Variants in CSMD1 observed in about 807,000 individuals in gnomAD.
CSMD1 encodes CUB and Sushi multiple domains 1, also known as CUB and sushi domain-containing protein 1.
In CSMD1, 213 loss-of-function variants were observed where a neutral mutation model predicts 417.5. The observed-to-expected ratio is 0.51, with a 90% CI of 0.46 to 0.57. CSMD1 has a LOEUF of 0.57. CSMD1 is among the 20% of genes least tolerant of loss of function. The pLI, the probability that CSMD1 is intolerant of heterozygous loss-of-function variation, is 0.00. For missense variants in CSMD1, 6,923 were observed against 4,529.7 expected (o/e 1.53, Z -15.17); for synonymous variants, 2,862 against 1,736.8 (o/e 1.65, Z -16.11).
chr8:3,998,248 T>C (rs1438003010), intron 4 of CSMD1, 138 bp from the exon 5 acceptor site: 4 of 680,486 alleles, frequency 5.9e-6, no homozygotes, highest in African/African-American at 3.6e-5. Flanking sequence ...TGAAAAAGAA[T>C]CTTTTGGTAT....
intron 2 of CSMD1, among the ~76,000 whole-genome samples, chr8:4,491,624 T>C (rs543910876): frequency 6.6e-4 from 100 of 152,124 alleles, no homozygotes; most frequent in Non-Finnish European, 1.1e-3. Flanking sequence ...GGAGAGTAAA[T>C]AAGCATATGA....
intron 10 of CSMD1, among the ~76,000 whole-genome samples, chr8:3,528,258 C>T (rs140998347): frequency 6.6e-6 from 1 of 152,218 alleles, no homozygotes; most frequent in African/African-American, 2.4e-5. Flanking sequence ...ATAGACACAT[C>T]TCAAATCACC....
chr8:4,536,615 T>C (rs1021320335), intron 2 of CSMD1, among the ~76,000 whole-genome samples: 2 of 152,220 alleles, frequency 1.3e-5, no homozygotes, highest in African/African-American at 4.8e-5. Flanking sequence ...CACAAGTGGA[T>C]ACTGAGAATA....
At chr8:4,958,639 T>C (rs1275754764) in intron 1 of CSMD1, among the ~76,000 whole-genome samples, 1 of 152,204 alleles carries the variant, frequency 6.6e-6, no homozygotes, top group Non-Finnish European at 1.5e-5. Flanking sequence ...ATGGGATCTA[T>C]GTGAACCAGT....
At chr8:3,502,671 A>T (rs1796656216) in intron 10 of CSMD1, among the ~76,000 whole-genome samples, 1 of 152,174 alleles carries the variant, frequency 6.6e-6, no homozygotes, top group Non-Finnish European at 1.5e-5. Flanking sequence ...AGAACTATGG[A>T]GACAGTAAAA....
chr8:4,496,158 A>G (rs546150762), intron 2 of CSMD1, among the ~76,000 whole-genome samples: 1 of 152,352 alleles, frequency 6.6e-6, no homozygotes, highest in Non-Finnish European at 1.5e-5. Context: ...ATTCCTTTGA[A>G]ACCATACTAT....
intron 2 of CSMD1, among the ~76,000 whole-genome samples, chr8:4,631,199 A>T (rs1323658852): frequency 6.6e-6 from 1 of 151,820 alleles, no homozygotes; most frequent in Non-Finnish European, 1.5e-5. Flanking sequence ...TGTCTCTATT[A>T]AAAAATACAA....
intron 59 of CSMD1, among the ~76,000 whole-genome samples, chr8:2,964,383 C>T (rs892097608): frequency 5.3e-5 from 8 of 152,134 alleles, no homozygotes; most frequent in African/African-American, 1.7e-4. Flanking sequence ...TGGGGAAATG[C>T]GTGTTCTGGC....
intron 6 of CSMD1, among the ~76,000 whole-genome samples, chr8:3,740,176 G>C (rs1043504298): frequency 1.3e-5 from 2 of 152,084 alleles, no homozygotes; most frequent in African/African-American, 4.8e-5. Context: ...CATGATCTTG[G>C]CTCACTGCAA....
chr8:4,399,022 A>C (rs1190233450), intron 3 of CSMD1, among the ~76,000 whole-genome samples: 1 of 152,240 alleles, frequency 6.6e-6, no homozygotes, highest in Non-Finnish European at 1.5e-5. Flanking sequence ...ACAGCTTTGT[A>C]AATAAGTATG....
At chr8:3,477,947 T>G (rs1014948232) in intron 11 of CSMD1, among the ~76,000 whole-genome samples, 2 of 152,138 alleles carry the variant, frequency 1.3e-5, no homozygotes, top group African/African-American at 4.8e-5. Context: ...GACTGAAAAA[T>G]AAGTCAAGGG....
At chr8:3,074,834 G>T (rs917685050) in intron 49 of CSMD1, among the ~76,000 whole-genome samples, 4 of 152,202 alleles carry the variant, frequency 2.6e-5, no homozygotes, top group Admixed American at 2.6e-4. Flanking sequence ...TTGATATAAA[G>T]ACATAGATTA....
rs145463223 is a variant in CSMD1 at position 3,703,670 on chromosome 8, G to A, written c.1009+4744C>T. ...AGCAGGAAGAAGCAGAGGAAGAGAT[G>A]AGCCTGCAGGATGTGCACGACTTCC... On this transcript the variant is annotated intron_variant, in intron 7 of 69. Coordinates refer to ENST00000635120, the MANE Select transcript of CSMD1 (RefSeq NM_033225.6). Among the ~76,000 whole-genome samples, 28 of 152,314 alleles carry A rather than the reference G, an allele frequency of 1.8e-4. 1 individual carries two copies. The East Asian group carries it at 4.6e-3, about 25-fold the overall frequency.
chr8:4,582,077 T>A (rs1038847752), intron 2 of CSMD1, among the ~76,000 whole-genome samples: 2 of 152,152 alleles, frequency 1.3e-5, no homozygotes, highest in Non-Finnish European at 2.9e-5. Context: ...GCCTCTTTTT[T>A]TTTTTTGGTT....
chr8:4,388,303 TACACACACACACACACAGACACAC>T (rs1322242855), intron 3 of CSMD1, among the ~76,000 whole-genome samples: 1 of 117,136 alleles, frequency 8.5e-6, no homozygotes, highest in African/African-American at 3.8e-5. Context: ...GAAACTGTGA[TACACACACACACACACAGACACAC>T]ACACACACAC....
intron 7 of CSMD1, among the ~76,000 whole-genome samples, chr8:3,673,445 T>G (rs1225971465): frequency 6.6e-6 from 1 of 152,216 alleles, no homozygotes; most frequent in Non-Finnish European, 1.5e-5. Context: ...CTGGGTACAA[T>G]GTGGCCCTGA....
chr8:4,196,468 C>G (rs1019274070), intron 3 of CSMD1, among the ~76,000 whole-genome samples: 1 of 152,072 alleles, frequency 6.6e-6, no homozygotes, highest in Non-Finnish European at 1.5e-5. Context: ...TGTCCAATGC[C>G]GATTCAGGTG....
At chr8:3,242,167 G>C (rs568042098) in intron 26 of CSMD1, among the ~76,000 whole-genome samples, 3 of 152,026 alleles carry the variant, frequency 2.0e-5, no homozygotes, top group Admixed American at 6.6e-5. Context: ...CTGGGCAGGT[G>C]GGGGAGGGCT....
chr8:2,997,225 A>G (rs902144459), intron 54 of CSMD1, among the ~76,000 whole-genome samples: 1 of 152,254 alleles, frequency 6.6e-6, no homozygotes, highest in African/African-American at 2.4e-5. Flanking sequence ...CTTTGAGCTT[A>G]CGCCAAGACC....
Sources: allele counts gnomAD v4.1 joint callset (sites outside exome capture counted in the v4.1 genomes callset), GRCh38; gene constraint gnomAD v4.1.1; transcripts MANE v1.5; gene names NCBI Gene and HGNC (gene_info 2026-07-23, HGNC 2026-07-21).